The following PTPRQ variants were observed in gnomAD, a reference collection of about 807,000 sequenced individuals.
The protein encoded by PTPRQ is protein tyrosine phosphatase receptor type Q.
In PTPRQ, 199 loss-of-function variants were observed where a neutral mutation model predicts 246.0. The observed-to-expected ratio is 0.81, with a 90% CI of 0.72 to 0.91. The LOEUF (loss-of-function observed/expected upper bound fraction) is 0.91. Among genes scored for constraint, PTPRQ ranks in the 40% least tolerant of loss-of-function variants. PTPRQ has a pLI of 0.00. For synonymous variants in PTPRQ, 869 were observed against 853.2 expected (o/e 1.02, Z -0.32); for missense variants, 2,624 against 2,528.4 (o/e 1.04, Z -0.81).
At chr12:80,657,215 G>A (rs1470253973) in intron 38 of PTPRQ, among the ~76,000 whole-genome samples, 1 of 151,622 alleles carries the variant, frequency 6.6e-6, no homozygotes, top group African/African-American at 2.4e-5. Context: ...TAATAGGAAA[G>A]GCATTAAAAT....
chr12:80,529,955 T>C (rs1270971834), intron 17 of PTPRQ, among the ~76,000 whole-genome samples: 3 of 152,116 alleles, frequency 2.0e-5, no homozygotes, highest in African/African-American at 4.8e-5. Context: ...GGTTGGGAGA[T>C]TTGGCCAGTG....
chr12:80,555,978 T>A (rs1565783886), intron 25 of PTPRQ, among the ~76,000 whole-genome samples: 1 of 152,196 alleles, frequency 6.6e-6, no homozygotes, highest in Non-Finnish European at 1.5e-5. Context: ...ACATATTTAA[T>A]ATGTATAAAA....
intron 35 of PTPRQ, among the ~76,000 whole-genome samples, chr12:80,637,772 G>A (rs1351017710): frequency 1.3e-5 from 2 of 152,162 alleles, no homozygotes; most frequent in African/African-American, 4.8e-5. Flanking sequence ...AGTGGATCCT[G>A]TCATTTGGTG....
At chr12:80,464,354 C>T (rs534190246) in intron 6 of PTPRQ, among the ~76,000 whole-genome samples, 1 of 62,896 alleles carries the variant, frequency 1.6e-5, no homozygotes, top group African/African-American at 7.1e-5. Context: ...TACAGGAGCA[C>T]CCAGATTCAT....
At chr12:80,674,010 CATAA>C (rs1901057377) in intron 43 of PTPRQ, among the ~76,000 whole-genome samples, 1 of 151,854 alleles carries the variant, frequency 6.6e-6, no homozygotes, top group Non-Finnish European at 1.5e-5. Flanking sequence ...CCAGTAAAAC[CATAA>C]ATATTACTGG....
chr12:80,675,155 C>CT (rs113726163), intron 43 of PTPRQ, among the ~76,000 whole-genome samples: 2 of 152,140 alleles, frequency 1.3e-5, no homozygotes, highest in African/African-American at 4.8e-5. Context: ...CCAGGGCCAG[C>CT]TTCATGGGTA....
chr12:80,626,517 T>C (rs1182128805), intron 33 of PTPRQ, among the ~76,000 whole-genome samples: 1 of 152,224 alleles, frequency 6.6e-6, no homozygotes, highest in Non-Finnish European at 1.5e-5. Context: ...TCATGCATCT[T>C]CACTGCAACT....
intron 30 of PTPRQ, among the ~76,000 whole-genome samples, chr12:80,618,784 T>C (rs1898863565): frequency 6.6e-6 from 1 of 151,532 alleles, no homozygotes. Flanking sequence ...CTTGGAAACA[T>C]TTAACCAAGT....
chr12:80,673,083 T>C, intron 42 of PTPRQ, 86 bp from the exon 43 acceptor site: 1 of 1,476,238 alleles, frequency 6.8e-7, no homozygotes, highest in South Asian at 1.4e-5. Flanking sequence ...TTAGAATTTA[T>C]TGCTATCATA....
rs1900894718 is a variant in PTPRQ at position 80,669,393 on chromosome 12, G to A, written c.6382G>A (p.Asp2128Asn). 2 of 1,547,856 alleles carry A rather than the reference G, an allele frequency of 1.3e-6. No homozygotes were observed. Among genetic ancestry groups the A allele is most frequent in the Non-Finnish European group, 1.7e-6 (2 of 1,145,194 alleles). The change falls in exon 41 of 45, where the codon GAT (aspartate) becomes AAT (asparagine). Residue 2128 changes from aspartate to asparagine, a missense_variant. Coordinates refer to ENST00000644991, the MANE Select transcript of PTPRQ (RefSeq NM_001145026.2). ...EDNKPVTVFGDIVITKLMEDV... is the reference protein window; with the variant it reads ...EDNKPVTVFGNIVITKLMEDV... Reference sequence around the variant, plus strand: ...CAACAAGCCAGTTACTGTCTTTGGAGATATAGTGATTACAAAGCTAATGGA... The same window carrying A: ...CAACAAGCCAGTTACTGTCTTTGGAAATATAGTGATTACAAAGCTAATGGA...
chr12:80,586,679 A>C (rs1194298749), intron 25 of PTPRQ: 1 of 152,180 alleles, frequency 6.6e-6, no homozygotes, highest in African/African-American at 2.4e-5. Flanking sequence ...TTTTCTCCGC[A>C]ACTCTGATCA....
Position 80,482,894 on chromosome 12 carries a change from G to A in PTPRQ, c.1187-1539G>A, listed in dbSNP as rs373370439. Among the ~76,000 whole-genome samples, 128 of 122,696 alleles carry A rather than the reference G, an allele frequency of 1.0e-3. 2 individuals are homozygous for A. In the East Asian group the frequency reaches 0.022, roughly 21 times the overall value. The allele number at this position is 122,696 out of a possible 152,430, so 80.5% of individuals were successfully genotyped here. A position where few individuals can be genotyped will look rare whatever the true frequency, so the allele number is the denominator to read the frequency against. ...GGAAACAACAGGTGCTGGAGAGGAT[G>A]TGGAGAAATAGGAACACTTTTACAC... On this transcript the variant is annotated intron_variant, in intron 8 of 44. Coordinates refer to ENST00000644991, the MANE Select transcript of PTPRQ (RefSeq NM_001145026.2).
chr12:80,646,144 G>A (rs919291628), intron 35 of PTPRQ, among the ~76,000 whole-genome samples: 5 of 152,092 alleles, frequency 3.3e-5, no homozygotes, highest in Non-Finnish European at 7.4e-5. Context: ...ATGGATAGGA[G>A]CAGCTTGAGA....
intron 7 of PTPRQ, among the ~76,000 whole-genome samples, chr12:80,471,051 A>G (rs1397225266): frequency 6.6e-6 from 1 of 151,270 alleles, no homozygotes; most frequent in East Asian, 1.9e-4. Flanking sequence ...AAGCTAGACC[A>G]TGAAAGTAAA....
chr12:80,535,575 A>C (rs1895962552), intron 19 of PTPRQ, among the ~76,000 whole-genome samples: 1 of 152,180 alleles, frequency 6.6e-6, no homozygotes, highest in Admixed American at 6.5e-5. Flanking sequence ...GAATGTGTTT[A>C]ATTAATTTGT....
chr12:80,588,566 C>A, intron 26 of PTPRQ, 114 bp downstream of exon 26: 1 of 1,129,638 alleles, frequency 8.9e-7, no homozygotes, highest in Non-Finnish European at 1.1e-6. Context: ...ATAGAAATAA[C>A]TGAGGACACT....
rs1298518395 is a variant in PTPRQ, at chr12:80,601,411, C to T, written c.4610-3648C>T. On this transcript the variant is annotated intron_variant, in intron 26 of 44. Transcript: ENST00000644991. ...AGCTTTATGGATGGATCCAAAGCTA[C>T]CTTGATCACCTGTATGAGCTTTTTG... Among the ~76,000 whole-genome samples, 4 of 151,884 alleles carry T rather than the reference C, an allele frequency of 2.6e-5. No individual in the cohort carries two copies. In the South Asian group the frequency reaches 8.3e-4, roughly 31 times the overall value.
chr12:80,533,441 T>C (rs947226173), intron 17 of PTPRQ, among the ~76,000 whole-genome samples: 3 of 152,076 alleles, frequency 2.0e-5, no homozygotes, highest in African/African-American at 7.2e-5. Context: ...GAGCTATATT[T>C]TCTTCTTTCC....
rs571886909 is a variant in PTPRQ at position 80,573,249 on chromosome 12, G to A, written c.4286-14880G>A. On this transcript the variant is annotated intron_variant, in intron 25 of 44. Coordinates refer to ENST00000644991, the MANE Select transcript of PTPRQ (RefSeq NM_001145026.2). ...TCACGCCTGTAATCCCAGCTCTTTGGGAGGCCAAGGCAGGCGGATCACGAG... is the reference window on the plus strand; with the variant it reads ...TCACGCCTGTAATCCCAGCTCTTTGAGAGGCCAAGGCAGGCGGATCACGAG... Among the ~76,000 whole-genome samples, 5 of 152,252 alleles carry A rather than the reference G, an allele frequency of 3.3e-5. No homozygotes were observed. In the South Asian group the frequency reaches 1.0e-3, roughly 32 times the overall value.
Sources: allele counts gnomAD v4.1 joint callset (sites outside exome capture counted in the v4.1 genomes callset), GRCh38; gene constraint gnomAD v4.1.1; transcripts MANE v1.5; gene names NCBI Gene and HGNC (gene_info 2026-07-23, HGNC 2026-07-21).